BUD13: variants seen among roughly 807,000 people sequenced by gnomAD.
BUD13 encodes BUD13 spliceosome associated protein.
A neutral mutation model predicts 62.5 loss-of-function variants in BUD13; 47 were observed. That is an observed-to-expected ratio of 0.75 (90% confidence interval 0.60 to 0.96). BUD13 has a LOEUF of 0.96. BUD13 is among the 40% of genes least tolerant of loss of function. BUD13 has a pLI of 0.00. For synonymous variants in BUD13, 293 were observed against 280.1 expected (o/e 1.05, Z -0.46); for missense variants, 821 against 790.9 (o/e 1.04, Z -0.46).
In BUD13 at chr11:116,757,789, G is replaced by C. The variant is rs777566046; in HGVS notation, c.1661C>G (p.Ala554Gly). ...ACCTTTTTTATTCTTGTTCTCCTTG[G>C]CCTTATTCTTCTTGATGAAGTTGGC... ...PMANFIKKNK[A>G]KENKNKKVRP... Residue 554 changes from alanine (A) to glycine (G), a missense_variant, in exon 8 of 10, where the codon GCC becomes GGC. Around this residue, in one of 2 missense-constraint regions of BUD13, gnomAD observed 800 missense variants for 739.2 expected, o/e 1.08. Coordinates refer to ENST00000260210, the MANE Select transcript of BUD13 (RefSeq NM_032725.4). The C allele has an allele frequency of 2.5e-5, 41 of 1,613,004 alleles. No individual in the cohort carries two copies. The East Asian group carries it at 9.1e-4, about 36-fold the overall frequency.
intron 9 of BUD13, among the ~76,000 whole-genome samples, chr11:116,756,402 C>T (rs1041259939): frequency 1.1e-4 from 16 of 151,984 alleles, no homozygotes; most frequent in Non-Finnish European, 2.4e-4. Context: ...ATCCCAGCTA[C>T]TCGGGAGGCT....
rs771442959 is a variant in BUD13, at chr11:116,762,918, T to C, written c.671A>G (p.Asp224Gly). 1.9e-6 allele frequency: 3 copies of C among 1,613,562 alleles called. No homozygotes were observed. The African/African-American group carries it at 4.0e-5, about 22-fold the overall frequency. Reference protein sequence around the residue: ...SPRRVRHDSPDPSPPRRARHG... With the variant: ...SPRRVRHDSPGPSPPRRARHG... ...ACGGGCTCGCCTAGGAGGAGAGGGATCTGGTGAATCATGACGGACTCTCCT... is the reference window on the plus strand; with the variant it reads ...ACGGGCTCGCCTAGGAGGAGAGGGACCTGGTGAATCATGACGGACTCTCCT... The change falls in exon 4 of 10, where the codon GAT (aspartate) becomes GGT (glycine). Residue 224 changes from aspartate to glycine, a missense_variant. Around this residue, in one of 2 missense-constraint regions of BUD13, gnomAD observed 800 missense variants for 739.2 expected, o/e 1.08. Transcript: ENST00000260210.
intron 9 of BUD13, among the ~76,000 whole-genome samples, chr11:116,751,247 T>G (rs12292921): frequency 0.1 from 15,410 of 152,284 alleles, 992 homozygotes; most frequent in African/African-American, 0.18. Context: ...GAATCCCTAG[T>G]ACCTACTACC....
intron 3 of BUD13, 68 bp downstream of exon 3, chr11:116,765,294 A>C: frequency 6.7e-7 from 1 of 1,495,296 alleles, no homozygotes; most frequent in Non-Finnish European, 9.3e-7. Flanking sequence ...TCTAAAGAAA[A>C]GTATAGAAAA....
rs139586652 is a variant in BUD13 at position 116,757,889 on chromosome 11, G to C, written c.1561C>G (p.Pro521Ala). The C allele has an allele frequency of 1.2e-6, 2 of 1,614,154 alleles. No homozygotes were observed. Among genetic ancestry groups the C allele is most frequent in the Non-Finnish European group, 1.7e-6 (2 of 1,180,030 alleles). ...TCGTCATCAATATAGCGGGCCAGAG[G>C]CTTTTGCATCTCTTTCATTGCATCC... ...VEDAMKEMQK[P>A]LARYIDDEDL... Residue 521 changes from proline (P) to alanine (A), a missense_variant, in exon 8 of 10, where the codon CCT (proline) becomes GCT (alanine). Around this residue, in one of 2 missense-constraint regions of BUD13, gnomAD observed 800 missense variants for 739.2 expected, o/e 1.08. Coordinates refer to ENST00000260210, the MANE Select transcript of BUD13 (RefSeq NM_032725.4).
chr11:116,764,994 G>C (rs1940504977), intron 3 of BUD13, among the ~76,000 whole-genome samples: 2 of 152,170 alleles, frequency 1.3e-5, no homozygotes, highest in South Asian at 2.1e-4. Context: ...CATTGTGGAA[G>C]AGGATAGTGG....
At chr11:116,771,872 A>C (rs1251506697) in intron 1 of BUD13, among the ~76,000 whole-genome samples, 3 of 152,254 alleles carry the variant, frequency 2.0e-5, no homozygotes, top group Non-Finnish European at 4.4e-5. Flanking sequence ...ACTCTCTCGC[A>C]GTTCTGGAAG....
chr11:116,752,783 C>T (rs919267941), intron 9 of BUD13, among the ~76,000 whole-genome samples: 2 of 152,174 alleles, frequency 1.3e-5, no homozygotes, highest in Non-Finnish European at 2.9e-5. Context: ...CTGCCAATAT[C>T]AGAAAGAAGA....
chr11:116,749,688 T>C (rs923629831), intron 9 of BUD13, among the ~76,000 whole-genome samples: 15 of 152,174 alleles, frequency 9.9e-5, no homozygotes, highest in Admixed American at 6.5e-4. Context: ...ATGAGCTGCG[T>C]AGGCCATGGT....
intron 2 of BUD13, among the ~76,000 whole-genome samples, chr11:116,766,487 C>T (rs914291775): frequency 6.6e-6 from 1 of 152,320 alleles, no homozygotes; most frequent in Admixed American, 6.5e-5. Context: ...TCTCACTGAG[C>T]GTTAAAAGCA....
intron 9 of BUD13, among the ~76,000 whole-genome samples, chr11:116,749,112 C>G (rs547657875): frequency 2.6e-5 from 4 of 152,262 alleles, no homozygotes; most frequent in East Asian, 3.9e-4. Context: ...ACCCTTCCCC[C>G]ACTCTGACAG....
At chr11:116,749,837 A>G (rs1940201967) in intron 9 of BUD13, among the ~76,000 whole-genome samples, 1 of 152,242 alleles carries the variant, frequency 6.6e-6, no homozygotes, top group Non-Finnish European at 1.5e-5. Context: ...AGGCAATGAT[A>G]AAGAGGGACG....
intron 4 of BUD13, 152 bp from the exon 5 acceptor site, chr11:116,761,104 T>C (rs562310319): frequency 1.8e-6 from 1 of 571,296 alleles, no homozygotes; most frequent in African/African-American, 1.9e-5. Context: ...CAGGCTGGAG[T>C]GCAGTGGCAT....
intron 9 of BUD13, among the ~76,000 whole-genome samples, chr11:116,756,065 G>T (rs1940318584): frequency 6.6e-6 from 1 of 152,184 alleles, no homozygotes; most frequent in Middle Eastern, 3.4e-3. Context: ...AAAATTAGCT[G>T]GATATGGTGA....
chr11:116,758,271 T>C lies in BUD13; in HGVS notation c.1497A>G (p.Lys499=). ...ERDELYAQWG[K]GLAQSRQQQQ... is the part of the protein sequence containing the mutation. ...TACCCTTTCAGTGGTTCCCTTACCC[T>C]TTTCCCCACTGGGCATACAGCTCAT... Residue 499 remains lysine (K), a splice_region_variant and synonymous_variant, in exon 7 of 10, where the codon AAA becomes AAG. Transcript: ENST00000260210. 6.2e-7 allele frequency: 1 copy of C among 1,613,750 alleles called. No homozygotes were observed. Among genetic ancestry groups the C allele is most frequent in the Non-Finnish European group, 8.5e-7 (1 of 1,179,784 alleles).
chr11:116,762,317 A>G (rs1940444218), intron 4 of BUD13, among the ~76,000 whole-genome samples: 1 of 152,248 alleles, frequency 6.6e-6, no homozygotes, highest in African/African-American at 2.4e-5. Context: ...TGTACATTCC[A>G]AAGCTTCTGC....
At chr11:116,752,037 G>A (rs945916960) in intron 9 of BUD13, among the ~76,000 whole-genome samples, 11 of 152,232 alleles carry the variant, frequency 7.2e-5, no homozygotes, top group Admixed American at 1.3e-4. Context: ...TCCGCTTCCC[G>A]GGTTCACGCC....
intron 3 of BUD13, among the ~76,000 whole-genome samples, chr11:116,764,877 G>A (rs1940501185): frequency 6.6e-6 from 1 of 152,140 alleles, no homozygotes; most frequent in Non-Finnish European, 1.5e-5. Context: ...GGCAAGTGGA[G>A]GGTAATGCAC....
intron 3 of BUD13, 26 bp downstream of exon 3, chr11:116,765,336 T>C (rs777156527): frequency 1.2e-6 from 2 of 1,611,368 alleles, no homozygotes; most frequent in South Asian, 1.1e-5. Context: ...AATGGAAATT[T>C]AGATTTATCT....
Sources: gnomAD v4.1 joint callset for allele counts (sites outside exome capture counted in the v4.1 genomes callset) on GRCh38, gnomAD v4.1.1 for gene constraint, gnomAD v4.1.1 regional missense constraint, MANE v1.5 for transcripts, NCBI Gene and HGNC (gene_info 2026-07-23, HGNC 2026-07-21) for gene names.